The following RPS6KC1 variants were observed in gnomAD, a reference collection of about 807,000 sequenced individuals.
RPS6KC1 encodes the protein ribosomal protein S6 kinase C1, also known as inactive ribosomal protein S6 kinase delta-1.
In RPS6KC1, 54 loss-of-function variants were observed where a neutral mutation model predicts 103.8. The observed-to-expected ratio is 0.52, with a 90% CI of 0.42 to 0.65. The LOEUF (loss-of-function observed/expected upper bound fraction) is 0.65, where lower values mean the gene tolerates loss of function less well. Ranked by LOEUF, RPS6KC1 falls within the 30% of genes least tolerant of loss-of-function variation. RPS6KC1 has a pLI of 0.00. For synonymous variants in RPS6KC1, 439 were observed against 438.7 expected (o/e 1.00, Z -0.01); for missense variants, 1,151 against 1,253.8 (o/e 0.92, Z 1.24).
chr1:213,344,131 T>A, the RPS6KC1 span, among the ~76,000 whole-genome samples: 1 of 151,522 alleles, frequency 6.6e-6, no homozygotes, highest in African/African-American at 2.4e-5. Context: ...AAGAAAAAAA[T>A]TGAAGAAGGA....
chr1:213,298,424 A>G, the RPS6KC1 span, among the ~76,000 whole-genome samples: 1 of 151,926 alleles, frequency 6.6e-6, no homozygotes, highest in Admixed American at 6.6e-5. Context: ...ATTTGTTCTC[A>G]ATGCTCGTTA....
the RPS6KC1 span, among the ~76,000 whole-genome samples, chr1:213,629,205 T>C: frequency 2.0e-5 from 3 of 152,172 alleles, no homozygotes; most frequent in African/African-American, 7.2e-5. Context: ...CCATTATTAA[T>C]GTGTGGGAGT....
chr1:213,232,852 T>C (rs2094136696), intron 10 of RPS6KC1, among the ~76,000 whole-genome samples: 1 of 152,190 alleles, frequency 6.6e-6, no homozygotes, highest in Non-Finnish European at 1.5e-5. Context: ...TTTTGATTTT[T>C]TTTTGCCCTT....
chr1:213,336,119 A>AGT, the RPS6KC1 span, among the ~76,000 whole-genome samples: 78 of 152,222 alleles, frequency 5.1e-4, no homozygotes, highest in African/African-American at 1.8e-3. Context: ...AATACATTTG[A>AGT]GTGTGTGTTT....
chr1:213,207,597 A>G (rs1312567325), intron 8 of RPS6KC1, among the ~76,000 whole-genome samples: 3 of 151,972 alleles, frequency 2.0e-5, no homozygotes, highest in African/African-American at 7.3e-5. Flanking sequence ...AACTTCAGTC[A>G]TTTGTCCCTT....
At chr1:213,384,283 A>AAT in the RPS6KC1 span, among the ~76,000 whole-genome samples, 2,371 of 145,170 alleles carry the variant, frequency 0.016, 32 homozygotes, top group African/African-American at 0.034. Context: ...CTCAAAAAAA[A>AAT]ATATATATAT....
intron 1 of RPS6KC1, among the ~76,000 whole-genome samples, chr1:213,068,487 A>G (rs969487842): frequency 6.8e-6 from 1 of 147,660 alleles, no homozygotes; most frequent in Non-Finnish European, 1.5e-5. Flanking sequence ...CTGTCTCAAA[A>G]AAAAAAAAAA....
At chr1:213,280,053 G>A in the RPS6KC1 span, among the ~76,000 whole-genome samples, 1 of 152,112 alleles carries the variant, frequency 6.6e-6, no homozygotes, top group African/African-American at 2.4e-5. Flanking sequence ...TGTGGTATAT[G>A]TTTTGAGTTT....
the RPS6KC1 span, among the ~76,000 whole-genome samples, chr1:213,743,295 C>G: frequency 6.6e-6 from 1 of 152,104 alleles, no homozygotes; most frequent in African/African-American, 2.4e-5. Context: ...AATAGAAAAC[C>G]AAATACCATG....
rs150364276 is a variant in RPS6KC1 at position 213,080,197 on chromosome 1, C to T, written c.262+2381C>T. 4.6e-3 allele frequency among the ~76,000 whole-genome samples: 703 copies of T among 152,114 alleles called. 4 individuals are homozygous for T. The highest frequency in any genetic ancestry group is 0.016 in the African/African-American group (651 of 41,534). ...CCTCCCAAAGTGCTGGGATTACAGG[C>T]GTGAGCCACTGCGCCTGGCCCATTT... On this transcript the variant is annotated intron_variant, in intron 3 of 14. Coordinates refer to ENST00000366960, the MANE Select transcript of RPS6KC1 (RefSeq NM_012424.6).
At chr1:213,375,641 G>A in the RPS6KC1 span, among the ~76,000 whole-genome samples, 2 of 152,172 alleles carry the variant, frequency 1.3e-5, no homozygotes, top group Non-Finnish European at 2.9e-5. Context: ...GGTTATAAGT[G>A]ACAGAAATCC....
At chr1:213,714,421 A>C in the RPS6KC1 span, among the ~76,000 whole-genome samples, 1 of 152,170 alleles carries the variant, frequency 6.6e-6, no homozygotes, top group African/African-American at 2.4e-5. Context: ...TATGCTGCTT[A>C]TTTTTCTCAA....
the RPS6KC1 span, among the ~76,000 whole-genome samples, chr1:213,586,181 T>G: frequency 6.6e-6 from 1 of 152,292 alleles, no homozygotes; most frequent in African/African-American, 2.4e-5. Flanking sequence ...TTTATAAACC[T>G]CATATCTCAG....
intron 13 of RPS6KC1, 133 bp from the exon 14 acceptor site, chr1:213,262,588 G>A (rs567115530): frequency 2.7e-5 from 18 of 658,118 alleles, no homozygotes; most frequent in African/African-American, 1.3e-4. Flanking sequence ...CTGCTTAGGC[G>A]GCACTGTGTT....
chr1:213,698,764 G>T, the RPS6KC1 span, among the ~76,000 whole-genome samples: 1 of 151,976 alleles, frequency 6.6e-6, no homozygotes, highest in East Asian at 1.9e-4. Context: ...GCAATTATGT[G>T]AATACTGTAT....
chr1:213,743,234 C>T, the RPS6KC1 span, among the ~76,000 whole-genome samples: 197 of 152,258 alleles, frequency 1.3e-3, 1 homozygote, highest in African/African-American at 4.5e-3. Context: ...ATGTCATTTT[C>T]GGCAACATGG....
chr1:213,384,267 C>A, the RPS6KC1 span, among the ~76,000 whole-genome samples: 1 of 148,732 alleles, frequency 6.7e-6, no homozygotes, highest in African/African-American at 2.6e-5. Flanking sequence ...CAGAGCGAGA[C>A]TCCATCTCAA....
At chr1:213,380,217 C>T in the RPS6KC1 span, among the ~76,000 whole-genome samples, 21 of 152,124 alleles carry the variant, frequency 1.4e-4, no homozygotes, top group Non-Finnish European at 1.6e-4. Flanking sequence ...AGCAAACTGA[C>T]GCAGGAGCAG....
At chr1:213,737,205 CTTCTACAA>C in the RPS6KC1 span, among the ~76,000 whole-genome samples, 1 of 152,236 alleles carries the variant, frequency 6.6e-6, no homozygotes, top group African/African-American at 2.4e-5. Context: ...AGTCAGACCT[CTTCTACAA>C]CACCATCCAA....
Sources: allele counts gnomAD v4.1 joint callset (sites outside exome capture counted in the v4.1 genomes callset), GRCh38; gene constraint gnomAD v4.1.1; transcripts MANE v1.5; gene names NCBI Gene and HGNC (gene_info 2026-07-23, HGNC 2026-07-21).